The following TECTA variants were observed in gnomAD, a reference collection of about 807,000 sequenced individuals.
The protein encoded by TECTA is tectorin alpha.
In TECTA, 128 loss-of-function variants were observed where a neutral mutation model predicts 216.8. The observed-to-expected ratio is 0.59, with a 90% CI of 0.51 to 0.68. The LOEUF (loss-of-function observed/expected upper bound fraction) is 0.68. Among genes scored for constraint, TECTA ranks in the 30% least tolerant of loss-of-function variants. The pLI, the probability that TECTA is intolerant of heterozygous loss-of-function variation, is 0.00. For missense variants in TECTA, 2,551 were observed against 2,786.2 expected (o/e 0.92, Z 1.90); for synonymous variants, 1,089 against 1,117.1 (o/e 0.97, Z 0.50).
intron 3 of TECTA, 102 bp from the exon 4 acceptor site, chr11:121,109,108 GT>G: frequency 2.1e-5 from 28 of 1,318,240 alleles, no homozygotes; most frequent in Non-Finnish European, 2.9e-5. Flanking sequence ...TAGTTTAAAA[GT>G]TGTTTTCATT....
intron 20 of TECTA, among the ~76,000 whole-genome samples, chr11:121,180,782 T>C (rs1344252809): frequency 6.6e-6 from 1 of 151,610 alleles, no homozygotes; most frequent in East Asian, 1.9e-4. Flanking sequence ...GTCTTATATT[T>C]AACATAGGAT....
chr11:121,162,172 C>G lies in TECTA; in HGVS notation c.5074C>G (p.Leu1692Val). ...IQKMQGDGYC[L>V]KLTDMKGFFQ... ...GAAGATGCAGGGTGATGGCTACTGCCTGAAGCTCACCGACATGAAGGGCTT... is the reference window on the plus strand; with the variant it reads ...GAAGATGCAGGGTGATGGCTACTGCGTGAAGCTCACCGACATGAAGGGCTT... Residue 1692 changes from leucine to valine, a missense_variant, in exon 16 of 24, where the codon CTG (leucine) becomes GTG (valine). Coordinates refer to ENST00000392793, the MANE Select transcript of TECTA (RefSeq NM_005422.4). 1 of 1,614,200 alleles carries G rather than the reference C, an allele frequency of 6.2e-7. No homozygotes were observed. The highest frequency in any genetic ancestry group is 8.5e-7 in the Non-Finnish European group (1 of 1,180,046).
intron 3 of TECTA, among the ~76,000 whole-genome samples, chr11:121,106,685 T>C (rs1460535207): frequency 4.6e-5 from 7 of 152,328 alleles, no homozygotes; most frequent in Non-Finnish European, 5.9e-5. Context: ...ACCACACCCC[T>C]GGAGGAAGAA....
intron 11 of TECTA, among the ~76,000 whole-genome samples, chr11:121,142,926 A>G (rs1946798712): frequency 6.6e-6 from 1 of 151,970 alleles, no homozygotes; most frequent in Non-Finnish European, 1.5e-5. Context: ...TCAACTCATA[A>G]ACATTCTCAT....
chr11:121,121,766 G>A (rs546134246), intron 7 of TECTA, among the ~76,000 whole-genome samples: 3 of 152,254 alleles, frequency 2.0e-5, no homozygotes, highest in Non-Finnish European at 4.4e-5. Context: ...GACACAATAA[G>A]ACTTTGTCCC....
intron 13 of TECTA, among the ~76,000 whole-genome samples, chr11:121,154,966 A>T (rs945620077): frequency 1.3e-5 from 2 of 152,230 alleles, no homozygotes; most frequent in African/African-American, 4.8e-5. Context: ...GGCTGCTATT[A>T]GTACTACAGT....
intron 16 of TECTA, among the ~76,000 whole-genome samples, chr11:121,164,403 GT>G (rs1397310292): frequency 6.6e-6 from 1 of 152,136 alleles, no homozygotes; most frequent in African/African-American, 2.4e-5. Context: ...ATCATATACT[GT>G]GATGAACAGG....
At chr11:121,139,393 G>C (rs552376482) in intron 11 of TECTA, among the ~76,000 whole-genome samples, 2 of 152,180 alleles carry the variant, frequency 1.3e-5, no homozygotes, top group Non-Finnish European at 2.9e-5. Context: ...TGGAAACACT[G>C]GTCAAATGAA....
chr11:121,142,216 A>G (rs1350795094), intron 11 of TECTA, among the ~76,000 whole-genome samples: 1 of 152,182 alleles, frequency 6.6e-6, no homozygotes, highest in Non-Finnish European at 1.5e-5. Flanking sequence ...CTTATTTCCA[A>G]TACTTAAATA....
intron 7 of TECTA, 97 bp downstream of exon 7, chr11:121,118,815 T>TCTG: frequency 2.7e-6 from 4 of 1,498,846 alleles, no homozygotes; most frequent in Non-Finnish European, 9.2e-7. Context: ...GCTGTTTGTC[T>TCTG]CTGTACAGTG....
intron 20 of TECTA, among the ~76,000 whole-genome samples, chr11:121,184,785 G>A (rs1418448820): frequency 6.6e-6 from 1 of 152,118 alleles, no homozygotes; most frequent in African/African-American, 2.4e-5. Flanking sequence ...GGAATTTTCA[G>A]CAAAGACCTC....
At chr11:121,155,077 C>G (rs1004129818) in intron 13 of TECTA, among the ~76,000 whole-genome samples, 4 of 152,196 alleles carry the variant, frequency 2.6e-5, no homozygotes, top group Non-Finnish European at 5.9e-5. Flanking sequence ...TCCACATCTA[C>G]TTGCCACCAT....
At chr11:121,104,192 A>T (rs1249212403) in intron 2 of TECTA, among the ~76,000 whole-genome samples, 2 of 152,364 alleles carry the variant, frequency 1.3e-5, no homozygotes, top group East Asian at 3.9e-4. Flanking sequence ...ATAATTTGTT[A>T]CTGTTAACTT....
At position 121,145,910 on chromosome 11, in the gene TECTA, T is replaced by G. The variant is rs747095518; in HGVS notation, c.3899T>G (p.Leu1300Arg). 3.4e-5 allele frequency: 55 copies of G among 1,614,260 alleles called. No homozygotes were observed. The highest frequency in any genetic ancestry group is 4.6e-5 in the Non-Finnish European group (54 of 1,180,042). The change falls in exon 12 of 24, where the codon CTG becomes CGG. Residue 1300 changes from leucine (L) to arginine (R), a missense_variant. Leu to Arg is a moderately radical substitution (Grantham distance 102, BLOSUM62 -2). Around this residue, in one of 3 missense-constraint regions of TECTA, gnomAD observed 2,375 missense variants for 2,563.9 expected, o/e 0.93. Transcript: ENST00000392793. ...KVEGFSKVQQ[L>R]CSLIPNQNAA... ...GAAGGTTTCTCCAAAGTGCAGCAGC[T>G]GTGCAGCCTGATCCCCAACCAGAAC...
rs367598081 is a variant in TECTA at position 121,152,914 on chromosome 11, G to C, written c.4139G>C (p.Ser1380Thr). The C allele has an allele frequency of 4.0e-5, 65 of 1,607,756 alleles. No homozygotes were observed. Among genetic ancestry groups the C allele is most frequent in the Non-Finnish European group, 5.3e-5 (62 of 1,174,954 alleles). The change falls in exon 13 of 24, where the codon AGC becomes ACC. Residue 1380 changes from serine to threonine, a missense_variant. Physicochemically the swap from Ser to Thr is moderately conservative, Grantham distance 58 (BLOSUM62 1). Transcript: ENST00000392793. ...VTCPPNSHYE[S>T]CVSVCQPRCA... ...TGCCCTCCAAACAGCCATTACGAGA[G>C]CTGCGTGAGTGTCTGCCAGCCCCGC...
intron 22 of TECTA, 136 bp downstream of exon 22, chr11:121,189,303 G>C: frequency 1.2e-6 from 1 of 800,986 alleles, no homozygotes; most frequent in Non-Finnish European, 2.1e-6. Flanking sequence ...AACATCACCT[G>C]CTTCCTTAAA....
chr11:121,142,235 A>G (rs1005852602), intron 11 of TECTA, among the ~76,000 whole-genome samples: 4 of 152,210 alleles, frequency 2.6e-5, no homozygotes, highest in Admixed American at 1.3e-4. Context: ...TATTTGAAAT[A>G]CACTTTCCCC....
rs1946907771 is a variant in TECTA at position 121,153,058 on chromosome 11, A to G, written c.4283A>G (p.Tyr1428Cys). 6.2e-7 allele frequency: 1 copy of G among 1,613,806 alleles called. No homozygotes were observed. Among genetic ancestry groups the G allele is most frequent in the Non-Finnish European group, 8.5e-7 (1 of 1,179,958 alleles). The change falls in exon 13 of 24, where the codon TAC (tyrosine) becomes TGC (cysteine). Residue 1428 changes from tyrosine to cysteine, a missense_variant. Physicochemically the swap from Tyr to Cys is radical, Grantham distance 194 (BLOSUM62 -2). This residue lies in a region of TECTA where 2,375 missense variants were observed against 2,563.9 expected (regional missense o/e 0.93). Coordinates refer to ENST00000392793, the MANE Select transcript of TECTA (RefSeq NM_005422.4). ...ATCCTGCCCCACAGCTGCGGCTGCT[A>G]CTCCGATGGCAAATATTACGAGGTA... ...SCILPHSCGC[Y>C]SDGKYYEPKQ...
chr11:121,141,616 A>C (rs1946784957), intron 11 of TECTA, among the ~76,000 whole-genome samples: 1 of 152,190 alleles, frequency 6.6e-6, no homozygotes. Context: ...CCCCACCCTC[A>C]GGCTTCATCG....
Sources: allele counts gnomAD v4.1 joint callset (sites outside exome capture counted in the v4.1 genomes callset), GRCh38; gene constraint gnomAD v4.1.1; regional missense constraint gnomAD v4.1.1; transcripts MANE v1.5; gene names NCBI Gene and HGNC (gene_info 2026-07-23, HGNC 2026-07-21).